Variants in USP6NL observed in about 807,000 individuals in gnomAD.
USP6NL encodes USP6 N-terminal like, also known as USP6 N-terminal-like protein.
A neutral mutation model predicts 61.9 loss-of-function variants in USP6NL; 26 were observed. That is an observed-to-expected ratio of 0.42 (90% CI 0.31 to 0.58). The LOEUF is 0.58. Ranked by LOEUF, USP6NL falls within the 20% of genes least tolerant of loss-of-function variation. The pLI is 0.16. For missense variants in USP6NL, 1,114 were observed against 1,034.3 expected (o/e 1.08, Z -1.06); for synonymous variants, 432 against 390.1 (o/e 1.11, Z -1.27).
chr10:11,471,270 T>A (rs116577897), intron 14 of USP6NL, among the ~76,000 whole-genome samples: 3,177 of 151,994 alleles, frequency 0.021, 88 homozygotes, highest in African/African-American at 0.07. Context: ...TGCCAACCAC[T>A]ATGAGATACC....
Position 11,518,707 on chromosome 10 carries a change from T to C in USP6NL, c.156-133A>G, listed in dbSNP as rs1423739122. Reference sequence around the variant, plus strand: ...AAGAGTTACATAGGCTTCCATTCATTGAATTCAATATGAAATGATAGCTAC... The same window carrying C: ...AAGAGTTACATAGGCTTCCATTCATCGAATTCAATATGAAATGATAGCTAC... On this transcript the variant is annotated intron_variant, in intron 4 of 14. Coordinates refer to ENST00000609104, the MANE Select transcript of USP6NL (RefSeq NM_014688.5). This position sits in a 1 kb window ranked among gnomAD's most constrained non-coding sequence, Gnocchi z 5.3. 1.5e-6 allele frequency: 1 copy of C among 664,476 alleles called. No homozygotes were observed. Among genetic ancestry groups the C allele is most frequent in the Non-Finnish European group, 2.5e-6 (1 of 402,448 alleles). 41.2% of individuals were successfully genotyped at this position (664,476 alleles called of 1,614,324 possible).
At chr10:11,579,684 A>G (rs1335644682) in intron 2 of USP6NL, among the ~76,000 whole-genome samples, 1 of 152,286 alleles carries the variant, frequency 6.6e-6, no homozygotes, top group South Asian at 2.1e-4. Context: ...ACATACCTAA[A>G]TCTATCAGAA....
intron 2 of USP6NL, among the ~76,000 whole-genome samples, chr10:11,541,136 T>C (rs905156636): frequency 4.0e-5 from 6 of 150,520 alleles, no homozygotes; most frequent in Non-Finnish European, 8.9e-5. Context: ...TTATATTCCT[T>C]AAACTCTGTT....
At chr10:11,544,148 T>C (rs181507908) in intron 2 of USP6NL, among the ~76,000 whole-genome samples, 2 of 152,122 alleles carry the variant, frequency 1.3e-5, no homozygotes, top group East Asian at 1.9e-4. Context: ...CAACCAAATG[T>C]TCCACCCTCA....
Position 11,579,970 on chromosome 10 carries a change from G to T in USP6NL, c.4+17661C>A, listed in dbSNP as rs189662953. Among the ~76,000 whole-genome samples, 339 of 145,906 alleles carry T rather than the reference G, an allele frequency of 2.3e-3. 8 individuals are homozygous for T. The highest frequency in any genetic ancestry group is 7.9e-3 in the African/African-American group (319 of 40,630). On this transcript the variant is annotated intron_variant, in intron 2 of 14. Coordinates refer to ENST00000609104, the MANE Select transcript of USP6NL (RefSeq NM_014688.5). ...ACCACCAGTGGAGAGTGGCGGGGGG[G>T]GGGCAGCAACGTCTAAAGACACTTT...
chr10:11,518,429 C>T lies in USP6NL; in HGVS notation c.195+106G>A, dbSNP rs1275546609. On this transcript the variant is annotated intron_variant, in intron 5 of 14. Coordinates refer to ENST00000609104, the MANE Select transcript of USP6NL (RefSeq NM_014688.5). The surrounding 1 kb of genome is among the most constrained non-coding windows in gnomAD (Gnocchi z 5.3). ...GGTCCAAAATCTAACAATGACTGTA[C>T]CATTCCCATATAATATGGCACTTAA... 6.3e-6 allele frequency: 6 copies of T among 945,800 alleles called. No individual in the cohort carries two copies. In the South Asian group the frequency reaches 6.9e-5, roughly 11 times the overall value. 58.6% of individuals were successfully genotyped at this position (945,800 alleles called of 1,614,324 possible).
intron 2 of USP6NL, chr10:11,563,180 A>G (rs1025987674): frequency 2.0e-5 from 3 of 152,002 alleles, no homozygotes; most frequent in African/African-American, 7.2e-5. Context: ...ATCCCCAAAG[A>G]TAATATAATA....
At chr10:11,555,883 T>C (rs1419837446) in intron 2 of USP6NL, among the ~76,000 whole-genome samples, 1 of 152,152 alleles carries the variant, frequency 6.6e-6, no homozygotes, top group African/African-American at 2.4e-5. Context: ...ATAACCAGCA[T>C]CTTAGGATTT....
intron 2 of USP6NL, among the ~76,000 whole-genome samples, chr10:11,541,264 T>C (rs1324207520): frequency 7.4e-6 from 1 of 134,966 alleles, no homozygotes; most frequent in African/African-American, 2.7e-5. Context: ...TATATATATA[T>C]ATATATATAT....
chr10:11,495,267 T>C lies in USP6NL; in HGVS notation c.385-2039A>G, dbSNP rs1324423422. Among the ~76,000 whole-genome samples the C allele has an allele frequency of 6.6e-6, 1 of 152,202 alleles. No homozygotes were observed. Among genetic ancestry groups the C allele is most frequent in the Non-Finnish European group, 1.5e-5 (1 of 68,034 alleles). On this transcript the variant is annotated intron_variant, in intron 7 of 14. Transcript: ENST00000609104. This position sits in a 1 kb window ranked among gnomAD's most constrained non-coding sequence, Gnocchi z 4.6. ...TTATAGAGCGAGGATTATTATAATA[T>C]TGGAATATAGAGTAATTGCTACAAA...
chr10:11,475,596 CAAAAAAAAA>C, intron 14 of USP6NL, among the ~76,000 whole-genome samples: 1 of 38,708 alleles, frequency 2.6e-5, no homozygotes, highest in African/African-American at 1.1e-4. Flanking sequence ...AACTCTGTCG[CAAAAAAAAA>C]AAAAAAAAAA....
intron 7 of USP6NL, among the ~76,000 whole-genome samples, chr10:11,498,663 CTTTAT>C (rs1834048400): frequency 6.6e-6 from 1 of 152,112 alleles, no homozygotes; most frequent in Non-Finnish European, 1.5e-5. Context: ...AAAGTAGGTA[CTTTAT>C]TTTAAAATAC....
intron 2 of USP6NL, among the ~76,000 whole-genome samples, chr10:11,586,175 T>C (rs570030548): frequency 6.6e-6 from 1 of 152,356 alleles, no homozygotes; most frequent in Non-Finnish European, 1.5e-5. Flanking sequence ...CCTACTAGGC[T>C]AGTGATGGTG....
intron 1 of USP6NL, among the ~76,000 whole-genome samples, chr10:11,607,595 A>C (rs2133694791): frequency 6.6e-6 from 1 of 152,280 alleles, no homozygotes; most frequent in South Asian, 2.1e-4. Context: ...GTGAGGTGGG[A>C]GAATCGCTTG....
rs1052277776 is a variant in USP6NL, at chr10:11,478,164, TC to T, written c.1078+3605del. Among the ~76,000 whole-genome samples the T allele has an allele frequency of 6.6e-6, 1 of 152,300 alleles. No homozygotes were observed. Among genetic ancestry groups the T allele is most frequent in the African/African-American group, 2.4e-5 (1 of 41,564 alleles). ...GCAATAGCAATAAAAGATACAACTATCCCCCATAGGACGTGGCACCCCTGCT... is the reference window on the plus strand; with the variant it reads ...GCAATAGCAATAAAAGATACAACTATCCCCATAGGACGTGGCACCCCTGCT... On this transcript the variant is annotated intron_variant, in intron 14 of 14. Transcript: ENST00000609104. This position sits in a 1 kb window ranked among gnomAD's most constrained non-coding sequence, Gnocchi z 6.8.
chr10:11,571,095 T>C, intron 2 of USP6NL, among the ~76,000 whole-genome samples: 1 of 151,980 alleles, frequency 6.6e-6, no homozygotes. Flanking sequence ...TTCTTTTTTT[T>C]TTTTTGAGAC....
chr10:11,589,772 T>A lies in USP6NL; in HGVS notation c.4+7859A>T, dbSNP rs1838100091. On this transcript the variant is annotated intron_variant, in intron 2 of 14. Coordinates refer to ENST00000609104, the MANE Select transcript of USP6NL (RefSeq NM_014688.5). The surrounding 1 kb of genome is among the most constrained non-coding windows in gnomAD (Gnocchi z 4.7). ...GCCAAATGCCCCACAATATAAATGT[T>A]AATGAATATCTATTAGTGTCTGACT... is the stretch of plus-strand genomic sequence containing the variant. 6.6e-6 allele frequency among the ~76,000 whole-genome samples: 1 copy of A among 152,226 alleles called. No homozygotes were observed. The highest frequency in any genetic ancestry group is 2.1e-4 in the South Asian group (1 of 4,832).
chr10:11,604,834 A>G (rs903197513), intron 1 of USP6NL, among the ~76,000 whole-genome samples: 2 of 152,182 alleles, frequency 1.3e-5, no homozygotes, highest in East Asian at 1.9e-4. Flanking sequence ...GAGATAAATA[A>G]TAACTAATAA....
At chr10:11,566,333 G>A (rs1013246220) in intron 2 of USP6NL, among the ~76,000 whole-genome samples, 19 of 152,080 alleles carry the variant, frequency 1.2e-4, no homozygotes, top group African/African-American at 4.1e-4. Flanking sequence ...CAAAAAAATC[G>A]GTACACACAC....
Sources: allele counts gnomAD v4.1 joint callset (sites outside exome capture counted in the v4.1 genomes callset), GRCh38; gene constraint gnomAD v4.1.1; non-coding constraint Gnocchi (gnomAD v3.1); transcripts MANE v1.5; gene names NCBI Gene and HGNC (gene_info 2026-07-23, HGNC 2026-07-21).